ADH4: variants seen among roughly 807,000 people sequenced by gnomAD.
The protein encoded by ADH4 is all-trans-retinol dehydrogenase [NAD(+)] ADH4.
ADH4 carries 31 observed loss-of-function variants against 35.2 expected under a neutral mutation model. The observed-to-expected ratio is 0.88, with a 90% CI of 0.66 to 1.19. The LOEUF (loss-of-function observed/expected upper bound fraction) is 1.19, where lower values mean the gene tolerates loss of function less well. Among genes scored for constraint, ADH4 ranks in the 50% most tolerant of loss-of-function variants. The probability of loss-of-function intolerance (pLI) is 0.00; values close to 1 mark genes in which losing one functional copy is unlikely to be tolerated. For synonymous variants in ADH4, 171 were observed against 160.2 expected, an observed-to-expected ratio of 1.07 and a Z score of -0.51; for missense variants, 476 against 458.3, an observed-to-expected ratio of 1.04 and a Z score of -0.35.
chr4:99,127,391 T>C, intron 6 of ADH4, 47 bp from the exon 7 acceptor site: 1 of 1,483,378 alleles, frequency 6.7e-7, no homozygotes, highest in Non-Finnish European at 9.1e-7. Flanking sequence ...AAAAGTAGAA[T>C]ATGAACTCCA....
At position 99,136,510 on chromosome 4, in the gene ADH4, A is replaced by G; in HGVS notation, c.538T>C (p.Cys180Arg). Residue 180 changes from cysteine (C) to arginine (R), a missense_variant, in exon 5 of 9, where the codon TGT (cysteine) becomes CGT (arginine). Coordinates refer to ENST00000265512, the MANE Select transcript of ADH4 (RefSeq NM_000670.5). ...GCCCCATAGCCAGTTGAAAACCCAC[A>G]TCCAAGCAGACAAACTCTCTCTAAA... is the stretch of plus-strand genomic sequence containing the variant. ...ANLERVCLLG[C>R]GFSTGYGAAI... is the part of the protein sequence containing the mutation. The G allele has an allele frequency of 6.2e-7, 1 of 1,614,160 alleles. No individual in the cohort carries two copies. Among genetic ancestry groups the G allele is most frequent in the Non-Finnish European group, 8.5e-7 (1 of 1,180,026 alleles).
intron 6 of ADH4, among the ~76,000 whole-genome samples, chr4:99,130,730 A>C (rs1169169791): frequency 6.6e-6 from 1 of 152,210 alleles, no homozygotes; most frequent in Admixed American, 6.5e-5. Context: ...GTGGGCTCCC[A>C]GCACACAAGA....
chr4:99,134,050 A>G (rs1211664789), intron 5 of ADH4, among the ~76,000 whole-genome samples: 1 of 152,224 alleles, frequency 6.6e-6, no homozygotes, highest in African/African-American at 2.4e-5. Context: ...GTCAGGTGAA[A>G]TAAGCCAGGC....
chr4:99,136,755 C>G (rs1579400727), intron 4 of ADH4, 58 bp from the exon 5 acceptor site: 1 of 1,087,382 alleles, frequency 9.2e-7, no homozygotes. Context: ...AAATGGAACA[C>G]TGATCATTTT....
intron 1 of ADH4, chr4:99,143,374 A>G: frequency 1.9e-6 from 1 of 524,058 alleles, no homozygotes; most frequent in South Asian, 3.0e-5. Flanking sequence ...TCATTATTAA[A>G]TTTATCTGTA....
intron 6 of ADH4, among the ~76,000 whole-genome samples, chr4:99,129,992 T>TC (rs1177117069): frequency 3.3e-5 from 5 of 152,226 alleles, no homozygotes; most frequent in African/African-American, 1.2e-4. Context: ...TACCAGTTTT[T>TC]CTTTCCATTT....
chr4:99,138,987 T>C, intron 4 of ADH4, 74 bp downstream of exon 4: 1 of 1,134,994 alleles, frequency 8.8e-7, no homozygotes, highest in South Asian at 1.5e-5. Context: ...TTCAAGGCCA[T>C]TTAGGTAATG....
chr4:99,136,103 G>A (rs926329529), intron 5 of ADH4, among the ~76,000 whole-genome samples: 14 of 152,112 alleles, frequency 9.2e-5, no homozygotes, highest in African/African-American at 3.4e-4. Context: ...TGTCATTTTT[G>A]TTGCCCTTTG....
intron 3 of ADH4, 150 bp downstream of exon 3, chr4:99,141,391 T>C (rs1285924920): frequency 4.4e-5 from 31 of 704,430 alleles, no homozygotes; most frequent in Admixed American, 3.3e-4. Context: ...ATTGCTAGAC[T>C]GTGATAAATT....
At chr4:99,126,766 G>A in intron 7 of ADH4, 34 bp from the exon 8 acceptor site, 1 of 1,559,512 alleles carries the variant, frequency 6.4e-7, no homozygotes, top group Non-Finnish European at 8.7e-7. Flanking sequence ...ATAAAGACAT[G>A]GCACTTGACA....
chr4:99,141,967 G>C (rs1224629554), intron 2 of ADH4, among the ~76,000 whole-genome samples: 1 of 152,112 alleles, frequency 6.6e-6, no homozygotes, highest in African/African-American at 2.4e-5. Context: ...AAAGGTAATA[G>C]GGCTTATTGA....
At position 99,136,539 on chromosome 4, in the gene ADH4, G is replaced by T; in HGVS notation, c.509C>A (p.Ala170Glu). ...AAGCAGACAAACTCTCTCTAAATTTGCATCATCATCTATTTTGGCAAGATT... is the reference window on the plus strand; with the variant it reads ...AAGCAGACAAACTCTCTCTAAATTTTCATCATCATCTATTTTGGCAAGATT... ...DINLAKIDDD[A>E]NLERVCLLGC... Residue 170 changes from alanine to glutamate, a missense_variant, in exon 5 of 9, where the codon GCA (alanine) becomes GAA (glutamate). Transcript: ENST00000265512. 6.2e-7 allele frequency: 1 copy of T among 1,614,072 alleles called. No individual in the cohort carries two copies. Among genetic ancestry groups the T allele is most frequent in the Non-Finnish European group, 8.5e-7 (1 of 1,180,000 alleles).
intron 6 of ADH4, among the ~76,000 whole-genome samples, chr4:99,129,377 A>G (rs13113166): frequency 0.21 from 32,004 of 152,044 alleles, 4,045 homozygotes; most frequent in Non-Finnish European, 0.28. Flanking sequence ...GTAAGTCATA[A>G]TAAGTTTCAT....
At chr4:99,133,345 A>G (rs1229314445) in intron 5 of ADH4, among the ~76,000 whole-genome samples, 2 of 152,180 alleles carry the variant, frequency 1.3e-5, no homozygotes, top group African/African-American at 4.8e-5. Context: ...CACACTTCCA[A>G]AGGTCTCTGT....
At chr4:99,142,077 G>A (rs1003812449) in intron 2 of ADH4, among the ~76,000 whole-genome samples, 4 of 152,092 alleles carry the variant, frequency 2.6e-5, no homozygotes, top group African/African-American at 9.7e-5. Context: ...TCTTCTTTAA[G>A]GTTCTGTCAG....
Position 99,127,193 on chromosome 4 carries a change from G to C in ADH4, c.979+16C>G. The C allele has an allele frequency of 1.6e-6, 2 of 1,258,668 alleles. No homozygotes were observed. Among genetic ancestry groups the C allele is most frequent in the Non-Finnish European group, 2.2e-6 (2 of 918,268 alleles). The allele number at this position is 1,258,668 out of a possible 1,614,324, so 78.0% of individuals were successfully genotyped here. On this transcript the variant is annotated intron_variant, in intron 7 of 8. Coordinates refer to ENST00000265512, the MANE Select transcript of ADH4 (RefSeq NM_000670.5). ...TAGGAAAAGAATTTAAAGCTATGAAGAAAAAAAAAACTGACCACCAAAGAA... is the reference window on the plus strand; with the variant it reads ...TAGGAAAAGAATTTAAAGCTATGAACAAAAAAAAAACTGACCACCAAAGAA...
At chr4:99,137,968 C>A (rs146362914) in intron 4 of ADH4, among the ~76,000 whole-genome samples, 1 of 152,242 alleles carries the variant, frequency 6.6e-6, no homozygotes, top group East Asian at 1.9e-4. Flanking sequence ...GAAATTGAAT[C>A]ATTTGTCCTA....
chr4:99,139,677 C>T (rs1194337081), intron 3 of ADH4, among the ~76,000 whole-genome samples: 1 of 152,166 alleles, frequency 6.6e-6, no homozygotes, highest in Non-Finnish European at 1.5e-5. Flanking sequence ...ACATTTAATA[C>T]ATACCACGCA....
chr4:99,127,091 G>T, intron 7 of ADH4, 118 bp downstream of exon 7: 2 of 724,194 alleles, frequency 2.8e-6, no homozygotes, highest in Admixed American at 3.1e-5. Context: ...ATTTGGATAT[G>T]CTCTAGGGAT....
Sources: gnomAD v4.1 joint callset for allele counts (sites outside exome capture counted in the v4.1 genomes callset) on GRCh38, gnomAD v4.1.1 for gene constraint, MANE v1.5 for transcripts, NCBI Gene and HGNC (gene_info 2026-07-23, HGNC 2026-07-21) for gene names.